Variants in CTNNB1 observed in about 807,000 individuals in gnomAD.
CTNNB1 encodes the protein catenin beta-1.
Under a neutral mutation model 82.5 loss-of-function variants are expected in CTNNB1, and 6 were observed. That is an observed-to-expected ratio of 0.07 (90% CI 0.04 to 0.14). The LOEUF (loss-of-function observed/expected upper bound fraction) is 0.14. Ranked by LOEUF, CTNNB1 falls within the 10% of genes least tolerant of loss-of-function variation. The pLI is 1.00. For synonymous variants in CTNNB1, 312 were observed against 329.7 expected (o/e 0.95, Z 0.58); for missense variants, 529 against 980.4 (o/e 0.54, Z 6.15).
In CTNNB1 at chr3:41,233,575, C is replaced by T. The variant is rs2125638901; in HGVS notation, c.1232C>T (p.Ser411Leu). The change falls in exon 9 of 15, where the codon TCA becomes TTA. Residue 411 changes from serine (S) to leucine (L), a missense_variant. Transcript: ENST00000349496. ...LLGTLVQLLGSDDINVVTCAA... is the reference protein window; with the variant it reads ...LLGTLVQLLGLDDINVVTCAA... ...GGGACTCTTGTTCAGCTTCTGGGTT[C>T]AGATGATATAAATGTGGTCACCTGT... The T allele has an allele frequency of 6.2e-7, 1 of 1,614,172 alleles. No individual in the cohort carries two copies. Among genetic ancestry groups the T allele is most frequent in the Non-Finnish European group, 8.5e-7 (1 of 1,180,036 alleles).
chr3:41,204,938 G>A (rs1200310013), intron 1 of CTNNB1, among the ~76,000 whole-genome samples: 5 of 152,132 alleles, frequency 3.3e-5, no homozygotes, highest in Non-Finnish European at 5.9e-5. Context: ...TTATAGATTA[G>A]GAGCTTAAAA....
chr3:41,236,149 A>AG, intron 11 of CTNNB1, 200 bp from the exon 12 acceptor site: 1 of 781,638 alleles, frequency 1.3e-6, no homozygotes, highest in East Asian at 2.5e-5. Context: ...CTCTGAAGAA[A>AG]GGGTTTATAG....
At chr3:41,226,850 A>C (rs766029725) in intron 6 of CTNNB1, among the ~76,000 whole-genome samples, 1 of 152,192 alleles carries the variant, frequency 6.6e-6, no homozygotes, top group Admixed American at 6.5e-5. Context: ...TTCTGGTTCA[A>C]ATTTTCAGTG....
At chr3:41,234,895 T>G (rs906391280) in intron 10 of CTNNB1, 19 of 160,178 alleles carry the variant, frequency 1.2e-4, no homozygotes, top group Admixed American at 1.1e-3. Context: ...TAGGTTAGTT[T>G]AGAAAACAAA....
chr3:41,224,098 C>T lies in CTNNB1; in HGVS notation c.13+17C>T. ...CTACTCAAGGTTTGTGTCATTAAAT[C>T]TTTAGTTACTGAATTGGGGCTCTGC... On this transcript the variant is annotated intron_variant, in intron 2 of 14. Coordinates refer to ENST00000349496, the MANE Select transcript of CTNNB1 (RefSeq NM_001904.4). 6.2e-7 allele frequency: 1 copy of T among 1,613,702 alleles called. No homozygotes were observed. The highest frequency in any genetic ancestry group is 1.1e-5 in the South Asian group (1 of 91,074).
At chr3:41,219,633 G>T (rs1376347327) in intron 1 of CTNNB1, among the ~76,000 whole-genome samples, 4 of 152,310 alleles carry the variant, frequency 2.6e-5, no homozygotes, top group South Asian at 2.1e-4. Flanking sequence ...ATTAAAAGTT[G>T]TGTCAGATAA....
intron 1 of CTNNB1, among the ~76,000 whole-genome samples, chr3:41,213,621 A>C (rs949947020): frequency 3.9e-5 from 6 of 152,236 alleles, no homozygotes; most frequent in African/African-American, 1.4e-4. Flanking sequence ...CTATGACCTG[A>C]AACTAAAAGG....
intron 1 of CTNNB1, chr3:41,220,704 C>T (rs1047181962): frequency 1.3e-5 from 2 of 152,068 alleles, no homozygotes; most frequent in South Asian, 2.1e-4. Context: ...AACTTTAAAA[C>T]GGGGAATAAT....
chr3:41,226,375 G>A (rs1291961606), intron 6 of CTNNB1, among the ~76,000 whole-genome samples: 1 of 152,176 alleles, frequency 6.6e-6, no homozygotes, highest in South Asian at 2.1e-4. Flanking sequence ...AAGAAGTGGG[G>A]CTATGAGGGC....
At chr3:41,236,905 C>A in intron 13 of CTNNB1, 196 bp downstream of exon 13, 1 of 645,404 alleles carries the variant, frequency 1.5e-6, no homozygotes, top group Non-Finnish European at 2.7e-6. Context: ...TGTTCAGAAT[C>A]ATTACAAATA....
chr3:41,235,880 A>G, intron 11 of CTNNB1, 37 bp downstream of exon 11: 1 of 1,612,960 alleles, frequency 6.2e-7, no homozygotes, highest in Non-Finnish European at 8.5e-7. Context: ...TTTTATGTCC[A>G]TAAAATTTCC....
At position 41,225,339 on chromosome 3, in the gene CTNNB1, G is replaced by A. The variant is rs142472167; in HGVS notation, c.501G>A (p.Val167=). ...TKLLNDEDQV[V]VNKAAVMVHQ... ...TCTGAATTCCTGTATTACAGGTGGT[G>A]GTTAATAAGGCTGCAGTTATGGTCC... Residue 167 remains valine (V), a synonymous_variant, in exon 5 of 15, where the codon GTG becomes GTA. Transcript: ENST00000349496. This position sits in a 1 kb window ranked among gnomAD's most constrained non-coding sequence, Gnocchi z 5.3. 1 of 1,614,024 alleles carries A rather than the reference G, an allele frequency of 6.2e-7. No individual in the cohort carries two copies. Among genetic ancestry groups the A allele is most frequent in the African/African-American group, 1.3e-5 (1 of 75,038 alleles).
chr3:41,208,896 C>G (rs1378750178), intron 1 of CTNNB1, among the ~76,000 whole-genome samples: 1 of 152,194 alleles, frequency 6.6e-6, no homozygotes, highest in Non-Finnish European at 1.5e-5. Context: ...TTCTCCGTCT[C>G]TCCTTCCACT....
chr3:41,223,949 G>T (rs897039179), intron 1 of CTNNB1, 72 bp from the exon 2 acceptor site: 2 of 1,079,228 alleles, frequency 1.9e-6, no homozygotes, highest in African/African-American at 3.1e-5. Context: ...CATTTAACAG[G>T]TATCCCAGTG....
Position 41,238,079 on chromosome 3 carries a change from A to T in CTNNB1, c.2137+3A>T. ...ACCCCTTGGATATCGCCAGGATGGT[A>T]TGTGTCTCATATTTCTCGATTAACT... On this transcript the variant is annotated splice_donor_region_variant and intron_variant, in intron 14 of 14. Transcript: ENST00000349496. 2 of 1,612,446 alleles carry T rather than the reference A, an allele frequency of 1.2e-6. No homozygotes were observed. Among genetic ancestry groups the T allele is most frequent in the Non-Finnish European group, 1.7e-6 (2 of 1,178,470 alleles).
intron 1 of CTNNB1, 89 bp from the exon 2 acceptor site, chr3:41,223,932 A>G: frequency 1.0e-6 from 1 of 960,382 alleles, no homozygotes. Context: ...TGTGGGTGTA[A>G]TAGTGACATT....
intron 7 of CTNNB1, among the ~76,000 whole-genome samples, chr3:41,232,958 A>G (rs1188734092): frequency 6.6e-6 from 1 of 152,166 alleles, no homozygotes; most frequent in Non-Finnish European, 1.5e-5. Context: ...GAGGGTAGGA[A>G]CTTCTGAATA....
chr3:41,226,526 AGGAAGGAGATGGAAAGTTTTGGGAAT>A (rs2078179837), intron 6 of CTNNB1, among the ~76,000 whole-genome samples: 2 of 152,318 alleles, frequency 1.3e-5, no homozygotes, highest in Middle Eastern at 6.8e-3. Flanking sequence ...TTTGAAACGA[AGGAAGGAGATGGAAAGTTTTGGGAAT>A]TTAAGAAATA....
intron 1 of CTNNB1, chr3:41,211,016 T>C (rs776106954): frequency 6.6e-6 from 3 of 456,402 alleles, no homozygotes; most frequent in East Asian, 7.0e-5. Context: ...TGGCCTTGAA[T>C]TCCTGGCATC....
Sources: allele counts gnomAD v4.1 joint callset (sites outside exome capture counted in the v4.1 genomes callset), GRCh38; gene constraint gnomAD v4.1.1; non-coding constraint Gnocchi (gnomAD v3.1); transcripts MANE v1.5; gene names NCBI Gene and HGNC (gene_info 2026-07-23, HGNC 2026-07-21).